The following STARD13 variants were observed in gnomAD, a reference collection of about 807,000 sequenced individuals.
The protein encoded by STARD13 is StAR related lipid transfer domain containing 13.
Under a neutral mutation model 106.4 loss-of-function variants are expected in STARD13, and 62 were observed. The observed-to-expected ratio is 0.58, with a 90% CI of 0.48 to 0.72. STARD13 has a LOEUF of 0.72. Ranked by LOEUF, STARD13 falls within the 30% of genes least tolerant of loss-of-function variation. The pLI is 0.00. For missense variants in STARD13, 1,387 were observed against 1,424.0 expected, an observed-to-expected ratio of 0.97 and a Z score of 0.42; for synonymous variants, 565 against 553.0, an observed-to-expected ratio of 1.02 and a Z score of -0.31.
At chr13:33,319,690 C>G (rs1256911994) in intron 1 of STARD13, among the ~76,000 whole-genome samples, 1 of 152,094 alleles carries the variant, frequency 6.6e-6, no homozygotes. Context: ...TGGTGTGGGT[C>G]AATCATTTAT....
the STARD13 span, among the ~76,000 whole-genome samples, chr13:33,545,018 C>T: frequency 7.9e-5 from 12 of 151,634 alleles, no homozygotes; most frequent in Non-Finnish European, 1.8e-4. Context: ...TGCAATGGTG[C>T]GATCTCAGCT....
chr13:33,458,871 A>T, the STARD13 span, among the ~76,000 whole-genome samples: 1 of 126,856 alleles, frequency 7.9e-6, no homozygotes, highest in Admixed American at 9.8e-5. Context: ...CCCAGGCTGG[A>T]GTGCAGTGGT....
chr13:33,368,362 T>G, the STARD13 span, among the ~76,000 whole-genome samples: 9 of 152,330 alleles, frequency 5.9e-5, no homozygotes, highest in African/African-American at 1.7e-4. Context: ...AAATATTTGT[T>G]GGGTACCTTC....
the STARD13 span, among the ~76,000 whole-genome samples, chr13:33,553,407 CAT>C: frequency 6.6e-6 from 1 of 151,408 alleles, no homozygotes; most frequent in Non-Finnish European, 1.5e-5. Context: ...TGTTAAATGA[CAT>C]AGGACGTAAA....
chr13:33,624,437 A>G, the STARD13 span, among the ~76,000 whole-genome samples: 275 of 152,338 alleles, frequency 1.8e-3, 1 homozygote, highest in African/African-American at 6.4e-3. Flanking sequence ...ACCTGTGCTC[A>G]TCACCATCAT....
the STARD13 span, among the ~76,000 whole-genome samples, chr13:33,640,234 G>GC: frequency 6.6e-6 from 1 of 152,278 alleles, no homozygotes; most frequent in African/African-American, 2.4e-5. Flanking sequence ...TCTGCAAGCT[G>GC]CCCGTATCTG....
chr13:33,598,054 C>T, the STARD13 span, among the ~76,000 whole-genome samples: 4 of 152,214 alleles, frequency 2.6e-5, no homozygotes, highest in East Asian at 7.7e-4. Context: ...TCATCTTTGC[C>T]ACCTGACCCC....
At chr13:33,536,989 T>A in the STARD13 span, among the ~76,000 whole-genome samples, 5 of 152,252 alleles carry the variant, frequency 3.3e-5, no homozygotes, top group Non-Finnish European at 7.3e-5. Flanking sequence ...ATAAACTTTT[T>A]AATCAGATTT....
chr13:33,131,864 G>A (rs1175123617), intron 4 of STARD13, among the ~76,000 whole-genome samples: 1 of 152,158 alleles, frequency 6.6e-6, no homozygotes, highest in African/African-American at 2.4e-5. Flanking sequence ...TGCCTCATAG[G>A]TTTGCTGAAG....
the STARD13 span, among the ~76,000 whole-genome samples, chr13:33,524,895 T>C: frequency 2.0e-4 from 31 of 152,172 alleles, no homozygotes; most frequent in African/African-American, 7.2e-4. Flanking sequence ...TTTTCAAGTA[T>C]GCAGTATATT....
intron 1 of STARD13, among the ~76,000 whole-genome samples, chr13:33,263,117 C>G (rs1890730654): frequency 6.6e-6 from 1 of 152,156 alleles, no homozygotes; most frequent in Non-Finnish European, 1.5e-5. Context: ...ATAAAACCCC[C>G]TGTAAAGTAG....
chr13:33,388,363 C>T, the STARD13 span, among the ~76,000 whole-genome samples: 5 of 152,194 alleles, frequency 3.3e-5, no homozygotes, highest in Admixed American at 1.3e-4. Flanking sequence ...CCTTTATCCA[C>T]CAGCAGAGGC....
rs143936149 is a variant in STARD13 at position 33,110,850 on chromosome 13, C to T, written c.2665G>A (p.Val889Met). ...RNSYVEAEIHVPTLEELGTQL... is the reference protein window; with the variant it reads ...RNSYVEAEIHMPTLEELGTQL... ...GTCCCCAATTCTTCCAGGGTTGGCA[C>T]GTGGATCTCAGCCTCCACATACGAG... Residue 889 changes from valine to methionine, a missense_variant, in exon 11 of 14, where the codon GTG (valine) becomes ATG (methionine). Physicochemically the swap from Val to Met is conservative, Grantham distance 21. Coordinates refer to ENST00000336934, the MANE Select transcript of STARD13 (RefSeq NM_178006.4). 238 of 1,614,002 alleles carry T rather than the reference C, an allele frequency of 1.5e-4. No homozygotes were observed. In the African/African-American group the frequency reaches 2.0e-3, roughly 13 times the overall value.
intron 1 of STARD13, among the ~76,000 whole-genome samples, chr13:33,265,970 C>A (rs974824356): frequency 1.3e-5 from 2 of 152,144 alleles, no homozygotes; most frequent in African/African-American, 2.4e-5. Flanking sequence ...CATTGTCCAT[C>A]CCGAAAAGTT....
At chr13:33,555,836 T>A in the STARD13 span, among the ~76,000 whole-genome samples, 2 of 152,254 alleles carry the variant, frequency 1.3e-5, no homozygotes, top group Non-Finnish European at 2.9e-5. Flanking sequence ...AAATGGACTT[T>A]GCCCACTCTT....
chr13:33,580,945 C>T, the STARD13 span, among the ~76,000 whole-genome samples: 5 of 152,038 alleles, frequency 3.3e-5, no homozygotes, highest in Admixed American at 3.3e-4. Context: ...TTAGAATATT[C>T]TTACAAAAGT....
In STARD13 at chr13:33,145,350, T is replaced by A. The variant is rs527484181; in HGVS notation, c.324-2977A>T. Among the ~76,000 whole-genome samples, 4 of 152,262 alleles carry A rather than the reference T, an allele frequency of 2.6e-5. No homozygotes were observed. The South Asian group carries it at 8.3e-4, about 32-fold the overall frequency. ...CCTAAAGTAAAAACGCTGACAACAT[T>A]AAGTATTAGCAAGGATTCAGAACTA... On this transcript the variant is annotated intron_variant, in intron 3 of 13. Coordinates refer to ENST00000336934, the MANE Select transcript of STARD13 (RefSeq NM_178006.4).
chr13:33,458,415 T>C, the STARD13 span, among the ~76,000 whole-genome samples: 1 of 152,064 alleles, frequency 6.6e-6, no homozygotes, highest in Non-Finnish European at 1.5e-5. Flanking sequence ...ATGTAGTTTA[T>C]AAAAGCATAA....
At chr13:33,407,710 A>T in the STARD13 span, among the ~76,000 whole-genome samples, 2 of 152,234 alleles carry the variant, frequency 1.3e-5, no homozygotes, top group African/African-American at 4.8e-5. Context: ...TCATGCTCAA[A>T]TCACAGCCAG....
Sources: allele counts gnomAD v4.1 joint callset (sites outside exome capture counted in the v4.1 genomes callset), GRCh38; gene constraint gnomAD v4.1.1; transcripts MANE v1.5; gene names NCBI Gene and HGNC (gene_info 2026-07-23, HGNC 2026-07-21).